Variants in FSD2 observed in about 807,000 individuals in gnomAD.
The protein encoded by FSD2 is fibronectin type III and SPRY domain-containing protein 2.
In FSD2, 71 loss-of-function variants were observed where a neutral mutation model predicts 80.4. The observed-to-expected ratio is 0.88, with a 90% CI of 0.73 to 1.08. The LOEUF (loss-of-function observed/expected upper bound fraction) is 1.08. Ranked by LOEUF, FSD2 falls within the 50% of genes least tolerant of loss-of-function variation. The probability of loss-of-function intolerance (pLI) is 0.00; values close to 1 mark genes in which losing one functional copy is unlikely to be tolerated. For missense variants in FSD2, 923 were observed against 913.8 expected, an observed-to-expected ratio of 1.01 and a Z score of -0.13; for synonymous variants, 361 against 329.5, an observed-to-expected ratio of 1.10 and a Z score of -1.03.
chr15:82,768,177 C>G (rs2049467628), intron 9 of FSD2, among the ~76,000 whole-genome samples: 1 of 152,218 alleles, frequency 6.6e-6, no homozygotes, highest in South Asian at 2.1e-4. Flanking sequence ...GTACATTCAG[C>G]TGCAATCTCT....
At chr15:82,767,094 G>GTTCC (rs2049441014) in intron 9 of FSD2, among the ~76,000 whole-genome samples, 1 of 152,168 alleles carries the variant, frequency 6.6e-6, no homozygotes, top group Admixed American at 6.5e-5. Flanking sequence ...AACTCCTTAG[G>GTTCC]TTCCAGGCAC....
chr15:82,790,590 G>GT (rs1390331893), intron 1 of FSD2, among the ~76,000 whole-genome samples: 5 of 150,446 alleles, frequency 3.3e-5, no homozygotes, highest in African/African-American at 1.2e-4. Flanking sequence ...GTGTGTGTGT[G>GT]TTTGAGACAG....
chr15:82,763,317 A>G (rs1186109970), intron 11 of FSD2, among the ~76,000 whole-genome samples: 1 of 152,206 alleles, frequency 6.6e-6, no homozygotes, highest in African/African-American at 2.4e-5. Context: ...TAAGATGGGA[A>G]TAATGTAGTG....
intron 12 of FSD2, among the ~76,000 whole-genome samples, 193 bp from the exon 13 acceptor site, chr15:82,759,793 A>G (rs2049248049): frequency 6.7e-6 from 1 of 150,324 alleles, no homozygotes; most frequent in Admixed American, 6.7e-5. Context: ...GTCCTAAGAA[A>G]CATTTTCTTT....
chr15:82,781,161 G>T lies in FSD2; in HGVS notation c.967-894C>A, dbSNP rs147539397. Among the ~76,000 whole-genome samples, 433 of 152,300 alleles carry T rather than the reference G, an allele frequency of 2.8e-3. 3 individuals carry two copies. Among genetic ancestry groups the T allele is most frequent in the African/African-American group, 9.9e-3 (411 of 41,572 alleles). ...TTGTGAACAGTTAATGAATGGAAACGCCATCATTTACTTGATGGTTCTTCT... is the reference window on the plus strand; with the variant it reads ...TTGTGAACAGTTAATGAATGGAAACTCCATCATTTACTTGATGGTTCTTCT... On this transcript the variant is annotated intron_variant, in intron 4 of 12. Transcript: ENST00000334574.
chr15:82,792,306 A>G (rs1045635991), intron 1 of FSD2, among the ~76,000 whole-genome samples: 2 of 152,232 alleles, frequency 1.3e-5, no homozygotes, highest in African/African-American at 4.8e-5. Flanking sequence ...GATTACAGTC[A>G]TCCTAGTGGT....
Position 82,780,269 on chromosome 15 carries a change from TA to T in FSD2, c.967-3del. On this transcript the variant is annotated splice_polypyrimidine_tract_variant and splice_region_variant and intron_variant, in intron 4 of 12. Transcript: ENST00000334574. ...CCTGTCAGCCATAGCCACTGCATCCTAAAAAGGAAAAAGAGAAAATATTAAG... is the reference window on the plus strand; with the variant it reads ...CCTGTCAGCCATAGCCACTGCATCCTAAAAGGAAAAAGAGAAAATATTAAG... 2.0e-6 allele frequency: 3 copies of T among 1,492,528 alleles called. No individual in the cohort carries two copies. The highest frequency in any genetic ancestry group is 2.5e-5 in the Admixed American group (1 of 40,304). The allele number at this position is 1,492,528 out of a possible 1,614,324, so 92.5% of individuals were successfully genotyped here.
chr15:82,756,790 A>G lies in FSD2; in HGVS notation c.*2558T>C, dbSNP rs1382512619. ...AGGAGTTATAAAGTGATACAGGTAA[A>G]GCTAAGAAAAGAACAGATTTTGATA... On this transcript the variant is annotated 3_prime_UTR_variant, in exon 13 of 13. Transcript: ENST00000334574. The G allele has an allele frequency of 6.6e-6, 1 of 152,246 alleles. No individual in the cohort carries two copies. The highest frequency in any genetic ancestry group is 2.4e-5 in the African/African-American group (1 of 41,470). The allele number at this position is 152,246 out of a possible 1,614,324, so 9.4% of individuals were successfully genotyped here. A position where few individuals can be genotyped will look rare whatever the true frequency, so the allele number is the denominator to read the frequency against.
intron 1 of FSD2, among the ~76,000 whole-genome samples, chr15:82,793,723 A>T (rs2050200017): frequency 6.6e-6 from 1 of 151,796 alleles, no homozygotes; most frequent in South Asian, 2.1e-4. Context: ...CTGTTTTGGG[A>T]CTTTGTGTCT....
chr15:82,764,482 T>C (rs1279766517), intron 11 of FSD2, among the ~76,000 whole-genome samples: 1 of 140,224 alleles, frequency 7.1e-6, no homozygotes, highest in Non-Finnish European at 1.5e-5. Context: ...GTTGCTTCAT[T>C]CTTTACTTGC....
rs930473632 is a variant in FSD2 at position 82,756,215 on chromosome 15, T to G, written c.*3133A>C. On this transcript the variant is annotated 3_prime_UTR_variant, in exon 13 of 13. Coordinates refer to ENST00000334574, the MANE Select transcript of FSD2 (RefSeq NM_001007122.4). ...TGACTAGAAATTGGCGAAGTTTTCTTGGTAAGTTGAGGAGAGGACTTTTCT... is the reference window on the plus strand; with the variant it reads ...TGACTAGAAATTGGCGAAGTTTTCTGGGTAAGTTGAGGAGAGGACTTTTCT... The G allele has an allele frequency of 3.5e-6, 1 of 282,650 alleles. No homozygotes were observed. The highest frequency in any genetic ancestry group is 7.2e-6 in the Non-Finnish European group (1 of 138,298). The allele number at this position is 282,650 out of a possible 1,614,324, so 17.5% of individuals were successfully genotyped here. A position where few individuals can be genotyped will look rare whatever the true frequency, so the allele number is the denominator to read the frequency against.
At chr15:82,780,145 C>G in intron 5 of FSD2, 100 bp downstream of exon 5, 2 of 809,948 alleles carry the variant, frequency 2.5e-6, no homozygotes, top group Non-Finnish European at 2.0e-6. Context: ...GACACAAAAG[C>G]TGAAACTGGA....
chr15:82,792,268 G>C (rs1352667838), intron 1 of FSD2, among the ~76,000 whole-genome samples: 1 of 152,114 alleles, frequency 6.6e-6, no homozygotes, highest in Non-Finnish European at 1.5e-5. Flanking sequence ...CCACATTCTT[G>C]TCAGCACTTG....
chr15:82,781,365 C>T (rs372809751), intron 4 of FSD2, among the ~76,000 whole-genome samples: 4 of 152,178 alleles, frequency 2.6e-5, no homozygotes, highest in South Asian at 4.1e-4. Flanking sequence ...TATTCGCTGG[C>T]CCCTCACCCC....
intron 3 of FSD2, among the ~76,000 whole-genome samples, chr15:82,784,614 T>C (rs2049953075): frequency 6.6e-6 from 1 of 152,184 alleles, no homozygotes; most frequent in African/African-American, 2.4e-5. Context: ...TGCTTGGCAG[T>C]GGAAGGGTTT....
At chr15:82,787,625 A>G (rs1029604822) in intron 1 of FSD2, among the ~76,000 whole-genome samples, 157 bp from the exon 2 acceptor site, 5 of 151,992 alleles carry the variant, frequency 3.3e-5, no homozygotes, top group African/African-American at 7.3e-5. Flanking sequence ...TTTGTTTTCT[A>G]TGGGAGGATG....
At chr15:82,794,686 A>G (rs988585748) in intron 1 of FSD2, among the ~76,000 whole-genome samples, 1 of 149,128 alleles carries the variant, frequency 6.7e-6, no homozygotes, top group African/African-American at 2.5e-5. Flanking sequence ...GTGCATATAC[A>G]TATGTAATTG....
Position 82,784,530 on chromosome 15 carries a change from A to T in FSD2, c.736-1505T>A, listed in dbSNP as rs537996213. On this transcript the variant is annotated intron_variant, in intron 3 of 12. Transcript: ENST00000334574. ...CCAAAGTGCTGAAATTACAGGCGTC[A>T]GCCACTGTGCCCGGCCAATGTAAGA... Among the ~76,000 whole-genome samples the T allele has an allele frequency of 2.0e-5, 3 of 152,340 alleles. No homozygotes were observed. The South Asian group carries it at 6.2e-4, about 32-fold the overall frequency.
chr15:82,786,640 T>C (rs534442332), intron 2 of FSD2, 34 bp from the exon 3 acceptor site: 1 of 1,602,768 alleles, frequency 6.2e-7, no homozygotes, highest in African/African-American at 1.3e-5. Flanking sequence ...AAGGTATTAA[T>C]GTTACATCTT....
Sources: gnomAD v4.1 joint callset for allele counts (sites outside exome capture counted in the v4.1 genomes callset) on GRCh38, gnomAD v4.1.1 for gene constraint, MANE v1.5 for transcripts, NCBI Gene and HGNC (gene_info 2026-07-23, HGNC 2026-07-21) for gene names.